PTBP3: variants seen among roughly 807,000 people sequenced by gnomAD.
PTBP3 encodes polypyrimidine tract binding protein 3, also known as polypyrimidine tract-binding protein 3.
A neutral mutation model predicts 58.7 loss-of-function variants in PTBP3; 20 were observed. The ratio of observed to expected loss-of-function variants is 0.34; its 90% confidence interval spans 0.24 to 0.50. The LOEUF is 0.50. PTBP3 is among the 20% of genes least tolerant of loss of function. PTBP3 has a pLI of 0.98. For synonymous variants in PTBP3, 185 were observed against 219.8 expected, an observed-to-expected ratio of 0.84 and a Z score of 1.40; for missense variants, 509 against 637.2, an observed-to-expected ratio of 0.80 and a Z score of 2.17.
chr9:112,227,716 G>A, intron 11 of PTBP3, 89 bp from the exon 12 acceptor site: 2 of 1,031,964 alleles, frequency 1.9e-6, no homozygotes, highest in South Asian at 2.8e-5. Context: ...TTATTTTTAT[G>A]TAGTTATTTA....
chr9:112,299,870 G>A (rs1383443494), intron 1 of PTBP3, among the ~76,000 whole-genome samples: 2 of 152,164 alleles, frequency 1.3e-5, no homozygotes, highest in Admixed American at 6.5e-5. Context: ...TCTCAAATAG[G>A]AGGTACTCTT....
intron 3 of PTBP3, among the ~76,000 whole-genome samples, chr9:112,273,950 T>C (rs983259559): frequency 6.6e-6 from 1 of 152,220 alleles, no homozygotes; most frequent in Non-Finnish European, 1.5e-5. Context: ...CCAGAATCAG[T>C]AGCAGAGACA....
chr9:112,294,783 TTTAG>T (rs1284517878), intron 2 of PTBP3, among the ~76,000 whole-genome samples: 1 of 152,128 alleles, frequency 6.6e-6, no homozygotes, highest in African/African-American at 2.4e-5. Context: ...ACTAAGACAT[TTTAG>T]TTAAAGTAAG....
At chr9:112,243,432 C>T (rs1275037812) in intron 7 of PTBP3, among the ~76,000 whole-genome samples, 1 of 152,084 alleles carries the variant, frequency 6.6e-6, no homozygotes, top group Non-Finnish European at 1.5e-5. Flanking sequence ...ATCCCAGCTA[C>T]TCAGGAGGCC....
chr9:112,369,463 A>G, the PTBP3 span, among the ~76,000 whole-genome samples: 36,974 of 152,044 alleles, frequency 0.24, 4,922 homozygotes, highest in East Asian at 0.36. Flanking sequence ...TGCAGCTTTA[A>G]GATTTGACTA....
rs10660591 is a variant in PTBP3 at position 112,331,082 on chromosome 9, A to AACACACACACAC, written c.-52+2376_-52+2387dup. 4.5e-3 allele frequency among the ~76,000 whole-genome samples: 633 copies of AACACACACACAC among 139,512 alleles called. 4 individuals are homozygous for AACACACACACAC. The highest frequency in any genetic ancestry group is 7.5e-3 in the Middle Eastern group (2 of 268). The allele number at this position is 139,512 out of a possible 152,430, so 91.5% of individuals were successfully genotyped here. A position where few individuals can be genotyped will look rare whatever the true frequency, so the allele number is the denominator to read the frequency against. On this transcript the variant is annotated intron_variant, in intron 1 of 13. Coordinates refer to ENST00000374257, the MANE Select transcript of PTBP3 (RefSeq NM_001163788.4). Reference sequence around the variant, plus strand: ...ATAAATTATCTCTTAGGAGGAAACGAACACACACACACACACACACACACA... The same window carrying AACACACACACAC: ...ATAAATTATCTCTTAGGAGGAAACGAACACACACACACACACACACACACACACACACACACA...
chr9:112,283,020 T>C (rs1359521224), intron 2 of PTBP3, among the ~76,000 whole-genome samples: 2 of 152,230 alleles, frequency 1.3e-5, no homozygotes, highest in African/African-American at 2.4e-5. Flanking sequence ...CCTGCCACCA[T>C]GTGAGACTTG....
chr9:112,263,546 G>T (rs1709656020), intron 4 of PTBP3, among the ~76,000 whole-genome samples: 1 of 152,202 alleles, frequency 6.6e-6, no homozygotes, highest in Admixed American at 6.5e-5. Flanking sequence ...CAAACTGAGG[G>T]ACATTCTTGA....
intron 2 of PTBP3, among the ~76,000 whole-genome samples, chr9:112,290,075 CATGAAAAAG>C (rs1489764175): frequency 6.6e-6 from 1 of 152,054 alleles, no homozygotes; most frequent in Non-Finnish European, 1.5e-5. Context: ...AAGTATTCTA[CATGAAAAAG>C]AACAATTTCT....
intron 5 of PTBP3, among the ~76,000 whole-genome samples, chr9:112,261,748 T>C (rs1279227855): frequency 6.6e-6 from 1 of 152,250 alleles, no homozygotes; most frequent in Non-Finnish European, 1.5e-5. Flanking sequence ...TAGTTAAAAA[T>C]GTAACAACCA....
chr9:112,252,947 C>A (rs951316054), intron 5 of PTBP3, among the ~76,000 whole-genome samples, 159 bp from the exon 6 acceptor site: 32 of 152,120 alleles, frequency 2.1e-4, no homozygotes, highest in African/African-American at 7.0e-4. Context: ...CATTTCAATA[C>A]CCATGACTAT....
chr9:112,318,899 G>C (rs374550298), intron 1 of PTBP3, among the ~76,000 whole-genome samples: 1 of 151,760 alleles, frequency 6.6e-6, no homozygotes, highest in Non-Finnish European at 1.5e-5. Context: ...AGGCCAAGGC[G>C]GGCAGATCAC....
Position 112,297,820 on chromosome 9 carries a change from A to C in PTBP3, c.34+12T>G, listed in dbSNP as rs7870091. ...ACAGAAATCAAATATTAAAAAAAAA[A>C]AAAAAACTCACCATACACACCTGTA... On this transcript the variant is annotated intron_variant, in intron 2 of 13. Coordinates refer to ENST00000374257, the MANE Select transcript of PTBP3 (RefSeq NM_001163788.4). 1,595 of 1,493,912 alleles carry C rather than the reference A, an allele frequency of 1.1e-3. 14 individuals are homozygous for C. The African/African-American group carries it at 0.012, about 11-fold the overall frequency. The allele number at this position is 1,493,912 out of a possible 1,614,324, so 92.5% of individuals were successfully genotyped here.
At chr9:112,339,304 A>T in the PTBP3 span, among the ~76,000 whole-genome samples, 1 of 150,602 alleles carries the variant, frequency 6.6e-6, no homozygotes, top group South Asian at 2.1e-4. Flanking sequence ...AAAAAAAAAA[A>T]AAAAAAAAAA....
chr9:112,323,763 G>C (rs764752701), intron 1 of PTBP3, among the ~76,000 whole-genome samples: 1 of 152,092 alleles, frequency 6.6e-6, no homozygotes, highest in Non-Finnish European at 1.5e-5. Flanking sequence ...AAGAACTGTG[G>C]GACAATTTCA....
chr9:112,333,702 C>A, upstream of PTBP3: 1 of 405,286 alleles, frequency 2.5e-6, no homozygotes, highest in Non-Finnish European at 4.3e-6. Context: ...CCCCGCCTAG[C>A]CCGACCCCGC....
chr9:112,284,542 A>G (rs1205826169), intron 2 of PTBP3, among the ~76,000 whole-genome samples: 1 of 152,156 alleles, frequency 6.6e-6, no homozygotes, highest in Admixed American at 6.5e-5. Flanking sequence ...CTAATAGCAC[A>G]AAAATCAGCC....
Position 112,220,341 on chromosome 9 carries a change from A to C in PTBP3, c.*3510T>G. On this transcript the variant is annotated 3_prime_UTR_variant, in exon 14 of 14. Coordinates refer to ENST00000374257, the MANE Select transcript of PTBP3 (RefSeq NM_001163788.4). ...AGCACTGTGGGGAGGTGGAAGCAGG[A>C]GAATCACTTGAGCCCAGGAGTTGGC... 1 of 1,290,334 alleles carries C rather than the reference A, an allele frequency of 7.7e-7. No individual in the cohort carries two copies. Among genetic ancestry groups the C allele is most frequent in the Non-Finnish European group, 1.0e-6 (1 of 988,182 alleles). 79.9% of individuals were successfully genotyped at this position (1,290,334 alleles called of 1,614,324 possible). A position where few individuals can be genotyped will look rare whatever the true frequency, so the allele number is the denominator to read the frequency against.
chr9:112,255,828 A>T (rs983538004), intron 5 of PTBP3, among the ~76,000 whole-genome samples: 1 of 152,200 alleles, frequency 6.6e-6, no homozygotes, highest in African/African-American at 2.4e-5. Flanking sequence ...AATGTGTTTT[A>T]ACAGCTAGTA....
Sources: gnomAD v4.1 joint callset for allele counts (sites outside exome capture counted in the v4.1 genomes callset) on GRCh38, gnomAD v4.1.1 for gene constraint, MANE v1.5 for transcripts, NCBI Gene and HGNC (gene_info 2026-07-23, HGNC 2026-07-21) for gene names.